DPYD: variants seen among roughly 807,000 people sequenced by gnomAD.
DPYD encodes dihydropyrimidine dehydrogenase [NADP(+)].
A neutral mutation model predicts 116.2 loss-of-function variants in DPYD; 109 were observed. That is an observed-to-expected ratio of 0.94 (90% CI 0.80 to 1.10). The LOEUF (loss-of-function observed/expected upper bound fraction) is 1.10, where lower values mean the gene tolerates loss of function less well. DPYD is among the 50% of genes least tolerant of loss of function. The probability of loss-of-function intolerance (pLI) is 0.00; values close to 1 mark genes in which losing one functional copy is unlikely to be tolerated. For synonymous variants in DPYD, 440 were observed against 432.0 expected (o/e 1.02, Z -0.23); for missense variants, 1,302 against 1,254.5 (o/e 1.04, Z -0.57).
At chr1:97,739,743 C>G (rs1664158285) in intron 4 of DPYD, among the ~76,000 whole-genome samples, 2 of 151,924 alleles carry the variant, frequency 1.3e-5, no homozygotes, top group African/African-American at 4.8e-5. Context: ...ATGCTCTCTT[C>G]ACAAAAACAA....
chr1:97,843,584 T>C (rs1670141794), intron 2 of DPYD, among the ~76,000 whole-genome samples: 1 of 152,204 alleles, frequency 6.6e-6, no homozygotes, highest in Non-Finnish European at 1.5e-5. Flanking sequence ...TTAACACTTA[T>C]TTATAGCATT....
At chr1:97,214,817 A>T (rs938507952) in intron 19 of DPYD, among the ~76,000 whole-genome samples, 4 of 152,124 alleles carry the variant, frequency 2.6e-5, no homozygotes, top group Non-Finnish European at 5.9e-5. Flanking sequence ...TAACTCAGTA[A>T]TGCATTACCT....
chr1:97,213,225 G>T (rs906108491), intron 19 of DPYD, among the ~76,000 whole-genome samples: 1 of 151,986 alleles, frequency 6.6e-6, no homozygotes, highest in Non-Finnish European at 1.5e-5. Context: ...ATTTTGGGGG[G>T]ACACAAACAT....
At chr1:97,516,041 T>G in intron 12 of DPYD, 100 bp from the exon 13 acceptor site, 1 of 1,156,524 alleles carries the variant, frequency 8.6e-7, no homozygotes, top group Non-Finnish European at 1.3e-6. Context: ...CGAATTAATA[T>G]AGATTACAAC....
At chr1:97,626,664 G>C (rs958277785) in intron 8 of DPYD, among the ~76,000 whole-genome samples, 1 of 152,038 alleles carries the variant, frequency 6.6e-6, no homozygotes, top group African/African-American at 2.4e-5. Context: ...GATTATCATA[G>C]GTGGGAAAGA....
intron 13 of DPYD, among the ~76,000 whole-genome samples, chr1:97,487,399 C>T (rs755298446): frequency 3.9e-5 from 6 of 152,136 alleles, no homozygotes; most frequent in Admixed American, 6.6e-5. Flanking sequence ...TGAGGCCAGG[C>T]GCGGTGGCTC....
rs1571416689 is a variant in DPYD, at chr1:97,822,609, GTTTGT to G, written c.233+5500_233+5504del. Among the ~76,000 whole-genome samples, 7 of 151,960 alleles carry G rather than the reference GTTTGT, an allele frequency of 4.6e-5. No homozygotes were observed. In the East Asian group the frequency reaches 1.2e-3, roughly 25 times the overall value. On this transcript the variant is annotated intron_variant, in intron 3 of 22. Coordinates refer to ENST00000370192, the MANE Select transcript of DPYD (RefSeq NM_000110.4). ...GGTAAATTAATACAAAAAAAAGTATGTTTGTTTTAAGTCTCTTAATACTTAGTGAC... is the reference window on the plus strand; with the variant it reads ...GGTAAATTAATACAAAAAAAAGTATGTTTAAGTCTCTTAATACTTAGTGAC...
intron 3 of DPYD, among the ~76,000 whole-genome samples, chr1:97,810,297 A>AAG (rs1295488450): frequency 6.6e-6 from 1 of 151,104 alleles, no homozygotes; most frequent in East Asian, 1.9e-4. Flanking sequence ...AAAAAAAAAA[A>AAG]AAAAAAAAAG....
chr1:97,626,232 CA>C (rs1306561280), intron 8 of DPYD, among the ~76,000 whole-genome samples: 2 of 151,824 alleles, frequency 1.3e-5, no homozygotes, highest in African/African-American at 4.8e-5. Context: ...TTTGCTAAAT[CA>C]ATGGGAAAAA....
At chr1:97,508,186 A>G (rs547190341) in intron 13 of DPYD, among the ~76,000 whole-genome samples, 1 of 152,022 alleles carries the variant, frequency 6.6e-6, no homozygotes, top group Non-Finnish European at 1.5e-5. Flanking sequence ...TGCAGTGAAG[A>G]AAAAAACAAC....
At chr1:97,527,186 T>G (rs747189644) in intron 12 of DPYD, among the ~76,000 whole-genome samples, 16 of 151,952 alleles carry the variant, frequency 1.1e-4, no homozygotes, top group Non-Finnish European at 5.9e-5. Context: ...TCACGCCATT[T>G]TCCTGTCTCA....
intron 14 of DPYD, among the ~76,000 whole-genome samples, chr1:97,428,051 C>T (rs992246683): frequency 6.6e-6 from 1 of 152,114 alleles, no homozygotes; most frequent in African/African-American, 2.4e-5. Context: ...TCAATACACA[C>T]TGTAACAATA....
At chr1:97,347,561 T>C (rs80068634) in intron 16 of DPYD, among the ~76,000 whole-genome samples, 2,234 of 152,158 alleles carry the variant, frequency 0.015, 34 homozygotes, top group Non-Finnish European at 0.023. Context: ...ATATCTTGCA[T>C]TGATGCTTAT....
At chr1:97,530,204 CT>C (rs60749588) in intron 12 of DPYD, among the ~76,000 whole-genome samples, 32,385 of 135,344 alleles carry the variant, frequency 0.24, 4,684 homozygotes, top group African/African-American at 0.39. Flanking sequence ...ATCAGAATTT[CT>C]TTTTTTTTCT....
At chr1:97,166,956 A>G (rs1241835769) in intron 20 of DPYD, among the ~76,000 whole-genome samples, 1 of 152,184 alleles carries the variant, frequency 6.6e-6, no homozygotes, top group East Asian at 1.9e-4. Context: ...TTTTATTTTC[A>G]ATAGTTTGTA....
intron 21 of DPYD, among the ~76,000 whole-genome samples, chr1:97,086,847 C>T (rs1429349998): frequency 6.6e-6 from 1 of 152,146 alleles, no homozygotes; most frequent in African/African-American, 2.4e-5. Context: ...AAACCAGGAC[C>T]CAGAACAGCA....
chr1:97,410,331 T>C (rs1274655078), intron 14 of DPYD, among the ~76,000 whole-genome samples: 1 of 152,162 alleles, frequency 6.6e-6, no homozygotes, highest in African/African-American at 2.4e-5. Flanking sequence ...TGAAAGTCTT[T>C]TTGCATCAGC....
chr1:97,483,805 A>G lies in DPYD; in HGVS notation c.1740+31921T>C, dbSNP rs191968492. Among the ~76,000 whole-genome samples, 44 of 152,240 alleles carry G rather than the reference A, an allele frequency of 2.9e-4. No individual in the cohort carries two copies. In the East Asian group the frequency reaches 7.4e-3, roughly 25 times the overall value. On this transcript the variant is annotated intron_variant, in intron 13 of 22. Coordinates refer to ENST00000370192, the MANE Select transcript of DPYD (RefSeq NM_000110.4). ...CTTGCCTGCCCTTCTCTCTTCTGCC[A>G]TATAAGGACACAGAAAGAAGGCCCT...
chr1:97,326,668 T>C (rs959737488), intron 16 of DPYD, among the ~76,000 whole-genome samples: 1 of 152,004 alleles, frequency 6.6e-6, no homozygotes, highest in Non-Finnish European at 1.5e-5. Context: ...GACTGAAATG[T>C]AAGTAATAGA....
Sources: gnomAD v4.1 joint callset for allele counts (sites outside exome capture counted in the v4.1 genomes callset) on GRCh38, gnomAD v4.1.1 for gene constraint, MANE v1.5 for transcripts, NCBI Gene and HGNC (gene_info 2026-07-23, HGNC 2026-07-21) for gene names.